Variants in CNTNAP2 observed in about 807,000 individuals in gnomAD.
The protein encoded by CNTNAP2 is contactin associated protein 2.
A neutral mutation model predicts 155.2 loss-of-function variants in CNTNAP2; 98 were observed. The observed-to-expected ratio is 0.63, with a 90% CI of 0.54 to 0.75. The LOEUF (loss-of-function observed/expected upper bound fraction) is 0.75, where lower values mean the gene tolerates loss of function less well. Ranked by LOEUF, CNTNAP2 falls within the 30% of genes least tolerant of loss-of-function variation. The pLI is 0.00. For missense variants in CNTNAP2, 1,727 were observed against 1,688.1 expected (o/e 1.02, Z -0.40); for synonymous variants, 651 against 631.2 (o/e 1.03, Z -0.47).
At chr7:147,829,907 G>A (rs1160878751) in intron 13 of CNTNAP2, among the ~76,000 whole-genome samples, 1 of 151,946 alleles carries the variant, frequency 6.6e-6, no homozygotes, top group African/African-American at 2.4e-5. Context: ...TCACATACAG[G>A]CTCTGGTGAA....
intron 15 of CNTNAP2, among the ~76,000 whole-genome samples, chr7:148,054,175 T>C (rs1051255427): frequency 6.6e-6 from 1 of 152,070 alleles, no homozygotes; most frequent in African/African-American, 2.4e-5. Flanking sequence ...GGTTTCACCG[T>C]GTTAGCCAGG....
chr7:147,428,542 C>T (rs773383666), intron 10 of CNTNAP2, among the ~76,000 whole-genome samples: 12 of 152,136 alleles, frequency 7.9e-5, no homozygotes, highest in Admixed American at 5.2e-4. Flanking sequence ...TTATAGTTGA[C>T]CTTTCTTCTG....
At chr7:148,124,450 C>T (rs1359918342) in intron 16 of CNTNAP2, among the ~76,000 whole-genome samples, 1 of 152,082 alleles carries the variant, frequency 6.6e-6, no homozygotes, top group African/African-American at 2.4e-5. Flanking sequence ...GATCCTTTTT[C>T]TGACTGAGAG....
chr7:147,166,259 G>A (rs1033412285), intron 8 of CNTNAP2, among the ~76,000 whole-genome samples: 4 of 152,172 alleles, frequency 2.6e-5, no homozygotes, highest in Admixed American at 6.5e-5. Context: ...AATGGAACTG[G>A]AGACTATTAT....
intron 1 of CNTNAP2, among the ~76,000 whole-genome samples, chr7:146,325,687 A>G (rs1437776712): frequency 6.6e-6 from 1 of 152,088 alleles, no homozygotes; most frequent in Non-Finnish European, 1.5e-5. Context: ...GGCACATGAC[A>G]GGTATTTAAT....
intron 21 of CNTNAP2, among the ~76,000 whole-genome samples, chr7:148,334,885 TG>T (rs1798091325): frequency 6.6e-6 from 1 of 152,174 alleles, no homozygotes; most frequent in African/African-American, 2.4e-5. Context: ...CCTACTTTCA[TG>T]ATATCAAGAC....
chr7:146,564,442 G>A (rs1798326211), intron 1 of CNTNAP2, among the ~76,000 whole-genome samples: 2 of 151,120 alleles, frequency 1.3e-5, no homozygotes, highest in African/African-American at 4.8e-5. Context: ...TTCTGGCACA[G>A]AGTAAGTACT....
chr7:148,153,458 C>T (rs188221784), intron 17 of CNTNAP2, among the ~76,000 whole-genome samples: 1 of 152,298 alleles, frequency 6.6e-6, no homozygotes, highest in East Asian at 1.9e-4. Context: ...GTGCAGGAAA[C>T]TTTTCCCATT....
chr7:146,970,476 T>G (rs543454167), intron 3 of CNTNAP2, among the ~76,000 whole-genome samples: 6 of 152,252 alleles, frequency 3.9e-5, no homozygotes, highest in Admixed American at 1.3e-4. Flanking sequence ...ACCATCACTG[T>G]CCATTAGAGA....
At chr7:146,260,693 C>G (rs980526199) in intron 1 of CNTNAP2, among the ~76,000 whole-genome samples, 2 of 152,142 alleles carry the variant, frequency 1.3e-5, no homozygotes, top group African/African-American at 4.8e-5. Context: ...TGCCTGCACC[C>G]CCACTCTATC....
intron 3 of CNTNAP2, among the ~76,000 whole-genome samples, chr7:146,914,900 G>C (rs1445016227): frequency 6.6e-6 from 1 of 151,686 alleles, no homozygotes; most frequent in African/African-American, 2.4e-5. Context: ...CCTACACCAA[G>C]GTCTAGAAGG....
chr7:147,444,556 C>A lies in CNTNAP2; in HGVS notation c.1671-41379C>A, dbSNP rs528732581. 6.3e-4 allele frequency among the ~76,000 whole-genome samples: 92 copies of A among 145,332 alleles called. 3 individuals carry two copies. The South Asian group carries it at 0.019, about 30-fold the overall frequency. ...TTTTTTTTTTTTACTAGCATCATTC[C>A]CCTTAGTCACTAAGAGTGAAATTAA... On this transcript the variant is annotated intron_variant, in intron 10 of 23. Coordinates refer to ENST00000361727, the MANE Select transcript of CNTNAP2 (RefSeq NM_014141.6).
intron 9 of CNTNAP2, among the ~76,000 whole-genome samples, chr7:147,308,053 T>G (rs1795063331): frequency 6.6e-6 from 1 of 152,176 alleles, no homozygotes; most frequent in Admixed American, 6.5e-5. Flanking sequence ...GGGAGGGGAT[T>G]GAGGATTATC....
intron 10 of CNTNAP2, among the ~76,000 whole-genome samples, chr7:147,413,105 A>G (rs1410912099): frequency 6.6e-6 from 1 of 152,232 alleles, no homozygotes; most frequent in Non-Finnish European, 1.5e-5. Flanking sequence ...AGAAAATTCT[A>G]GAAGTGCATA....
At chr7:147,742,118 A>G (rs1796965502) in intron 13 of CNTNAP2, among the ~76,000 whole-genome samples, 1 of 152,110 alleles carries the variant, frequency 6.6e-6, no homozygotes, top group South Asian at 2.1e-4. Context: ...ATAGCCCAGG[A>G]AAGGCCTGCC....
At chr7:147,611,305 A>G in intron 12 of CNTNAP2, among the ~76,000 whole-genome samples, 1 of 152,204 alleles carries the variant, frequency 6.6e-6, no homozygotes, top group East Asian at 1.9e-4. Context: ...ACAGGTTAGA[A>G]GACTCCTTAT....
chr7:147,545,900 A>G (rs146543444), intron 11 of CNTNAP2, among the ~76,000 whole-genome samples: 2 of 152,306 alleles, frequency 1.3e-5, no homozygotes, highest in African/African-American at 4.8e-5. Context: ...TTCTCGTGGT[A>G]GTGAATAAGT....
intron 3 of CNTNAP2, among the ~76,000 whole-genome samples, chr7:146,956,962 A>T (rs572583074): frequency 6.6e-6 from 1 of 152,282 alleles, no homozygotes; most frequent in East Asian, 1.9e-4. Flanking sequence ...AGTGACAGGG[A>T]TACCTTTTGA....
intron 1 of CNTNAP2, among the ~76,000 whole-genome samples, chr7:146,611,356 G>T (rs934887451): frequency 6.6e-6 from 1 of 152,166 alleles, no homozygotes; most frequent in African/African-American, 2.4e-5. Flanking sequence ...TTCCCAAAGT[G>T]CTGGGATTAT....
Sources: gnomAD v4.1 joint callset for allele counts (sites outside exome capture counted in the v4.1 genomes callset) on GRCh38, gnomAD v4.1.1 for gene constraint, MANE v1.5 for transcripts, NCBI Gene and HGNC (gene_info 2026-07-23, HGNC 2026-07-21) for gene names.